Variants in NRTN observed in about 807,000 individuals in gnomAD.
NRTN encodes the protein prepro-neurturin.
A neutral mutation model predicts 7.5 loss-of-function variants in NRTN; 3 were observed. The ratio of observed to expected loss-of-function variants is 0.40; its 90% CI spans 0.18 to 1.03. NRTN has a LOEUF of 1.03. NRTN is among the 50% of genes least tolerant of loss of function. The pLI, the probability that NRTN is intolerant of heterozygous loss-of-function variation, is 0.34. For missense variants in NRTN, 310 were observed against 307.0 expected, an observed-to-expected ratio of 1.01 and a Z score of -0.07; for synonymous variants, 157 against 146.6, an observed-to-expected ratio of 1.07 and a Z score of -0.51.
chr19:5,823,225 T>A (rs1488360799), intron 1 of NRTN, among the ~76,000 whole-genome samples: 1 of 152,124 alleles, frequency 6.6e-6, no homozygotes, highest in African/African-American at 2.4e-5. Flanking sequence ...GAGACCAGCA[T>A]AGCTAACAGG....
Position 5,828,108 on chromosome 19 carries a change from C to A in NRTN, c.529C>A (p.Leu177Met), listed in dbSNP as rs1303729812. ...PTAYEDEVSF[L>M]DAHSRYHTVH... ...GGCCTACGAGGACGAGGTGTCCTTCCTGGACGCGCACAGCCGCTACCACAC... is the reference window on the plus strand; with the variant it reads ...GGCCTACGAGGACGAGGTGTCCTTCATGGACGCGCACAGCCGCTACCACAC... The change falls in exon 3 of 3, where the codon CTG becomes ATG. Residue 177 changes from leucine to methionine, a missense_variant. By Grantham distance (15) the Leu-to-Met change is conservative. Transcript: ENST00000303212. 6.7e-7 allele frequency: 1 copy of A among 1,502,988 alleles called. No individual in the cohort carries two copies. The highest frequency in any genetic ancestry group is 2.2e-5 in the Admixed American group (1 of 46,418). 93.1% of individuals were successfully genotyped at this position (1,502,988 alleles called of 1,614,324 possible).
chr19:5,826,303 C>A (rs1227609040), intron 2 of NRTN, among the ~76,000 whole-genome samples: 1 of 152,120 alleles, frequency 6.6e-6, no homozygotes, highest in Non-Finnish European at 1.5e-5. Context: ...TGCTCCGGGG[C>A]TTAAAGAACA....
Position 5,812,430 on chromosome 19 carries a change from C to T in NRTN, c.-399+6979C>T, listed in dbSNP as rs896034951. Among the ~76,000 whole-genome samples the T allele has an allele frequency of 2.8e-4, 42 of 152,300 alleles. 1 individual carries two copies. The highest frequency in any genetic ancestry group is 5.8e-4 in the East Asian group (3 of 5,180). ...AGAGGAGAGGCTGGACCTCTTTCTC[C>T]GGCAGACCTGGAAGGGGCGGCTGGG... On this transcript the variant is annotated intron_variant, in intron 1 of 2. Transcript: ENST00000303212.
At chr19:5,810,901 CCTG>C (rs1198213819) in intron 1 of NRTN, among the ~76,000 whole-genome samples, 1 of 150,830 alleles carries the variant, frequency 6.6e-6, no homozygotes, top group Non-Finnish European at 1.5e-5. Flanking sequence ...TGCACTCCAG[CCTG>C]GCAACAGAGC....
At chr19:5,810,923 A>G (rs1434708167) in intron 1 of NRTN, among the ~76,000 whole-genome samples, 2 of 147,672 alleles carry the variant, frequency 1.4e-5, no homozygotes, top group African/African-American at 2.7e-5. Flanking sequence ...GCGAGACTCC[A>G]TCTCAAAAAA....
rs1176448349 is a variant in NRTN, at chr19:5,827,741, C to A, written c.170-8C>A. On this transcript the variant is annotated splice_region_variant and splice_polypyrimidine_tract_variant and intron_variant, in intron 2 of 2. Coordinates refer to ENST00000303212, the MANE Select transcript of NRTN (RefSeq NM_004558.5). ...GACCCCCCCTCCTTTCTCTTCCTCC[C>A]CTCGCAGACCGTGCACTCCTGCAGG... 1 of 1,219,870 alleles carries A rather than the reference C, an allele frequency of 8.2e-7. No individual in the cohort carries two copies. The highest frequency in any genetic ancestry group is 3.4e-5 in the East Asian group (1 of 29,612). The allele number at this position is 1,219,870 out of a possible 1,614,324, so 75.6% of individuals were successfully genotyped here. A position where few individuals can be genotyped will look rare whatever the true frequency, so the allele number is the denominator to read the frequency against.
chr19:5,817,505 A>G (rs997555868), intron 1 of NRTN, among the ~76,000 whole-genome samples: 11 of 132,444 alleles, frequency 8.3e-5, no homozygotes, highest in African/African-American at 1.7e-4. Flanking sequence ...GAAAGGAAGG[A>G]AGGGAGGGAG....
intron 1 of NRTN, among the ~76,000 whole-genome samples, chr19:5,817,647 AGGCAGGCG>A (rs2057010140): frequency 1.5e-5 from 2 of 132,992 alleles, no homozygotes; most frequent in African/African-American, 5.7e-5. Context: ...GCAGGCAGGC[AGGCAGGCG>A]TGTGAGTGTC....
intron 1 of NRTN, among the ~76,000 whole-genome samples, chr19:5,811,710 G>GT (rs57430586): frequency 0.13 from 14,245 of 109,664 alleles, 921 homozygotes; most frequent in Non-Finnish European, 0.17. Flanking sequence ...TTTGTTTTTT[G>GT]TTTTTTTTTT....
chr19:5,813,680 GAAA>G (rs557383692), intron 1 of NRTN, among the ~76,000 whole-genome samples: 4 of 117,216 alleles, frequency 3.4e-5, no homozygotes, highest in African/African-American at 1.2e-4. Flanking sequence ...GACTCCGTCT[GAAA>G]AAAAAAAAAA....
At chr19:5,810,279 A>AAG (rs1323277431) in intron 1 of NRTN, among the ~76,000 whole-genome samples, 1 of 151,352 alleles carries the variant, frequency 6.6e-6, no homozygotes, top group Non-Finnish European at 1.5e-5. Context: ...AAAAAAAAAA[A>AAG]AAAAATTTTT....
intron 1 of NRTN, among the ~76,000 whole-genome samples, chr19:5,810,659 C>T (rs889409048): frequency 4.6e-5 from 7 of 151,858 alleles, no homozygotes; most frequent in Non-Finnish European, 8.8e-5. Context: ...TACAGCCGGG[C>T]GCAGTGGCTC....
At chr19:5,814,164 A>G (rs1310935322) in intron 1 of NRTN, among the ~76,000 whole-genome samples, 3 of 152,106 alleles carry the variant, frequency 2.0e-5, no homozygotes, top group Non-Finnish European at 4.4e-5. Flanking sequence ...TGAATTCTCA[A>G]AGTCAGCCCT....
Position 5,806,329 on chromosome 19 carries a change from A to G in NRTN, c.-399+878A>G, listed in dbSNP as rs2056975115. Among the ~76,000 whole-genome samples the G allele has an allele frequency of 6.6e-6, 1 of 152,074 alleles. No individual in the cohort carries two copies. Among genetic ancestry groups the G allele is most frequent in the Admixed American group, 6.5e-5 (1 of 15,276 alleles). On this transcript the variant is annotated intron_variant, in intron 1 of 2. Coordinates refer to ENST00000303212, the MANE Select transcript of NRTN (RefSeq NM_004558.5). This position sits in a 1 kb window ranked among gnomAD's most constrained non-coding sequence, Gnocchi z 5.4. The stretch of plus-strand genomic sequence containing the variant: ...TGCCCACAGGCCTGTGATTACCTGC[A>G]GGGCTCGTCATTGGTCCAGATTTGG...
intron 1 of NRTN, among the ~76,000 whole-genome samples, chr19:5,816,841 A>T (rs1203921190): frequency 6.6e-6 from 1 of 152,202 alleles, no homozygotes; most frequent in Non-Finnish European, 1.5e-5. Context: ...ATGAAGGTGG[A>T]AGCGTCCAAG....
chr19:5,827,572 C>T (rs557034263), intron 2 of NRTN, among the ~76,000 whole-genome samples, 177 bp from the exon 3 acceptor site: 1 of 152,068 alleles, frequency 6.6e-6, no homozygotes, highest in Non-Finnish European at 1.5e-5. Context: ...AGAGAGGGTG[C>T]ATGAGCAGCT....
intron 1 of NRTN, among the ~76,000 whole-genome samples, chr19:5,823,050 A>C (rs576376149): frequency 7.0e-6 from 1 of 143,874 alleles, no homozygotes; most frequent in South Asian, 2.3e-4. Context: ...AGAGAGAGAA[A>C]GAAAGAAAGG....
intron 2 of NRTN, among the ~76,000 whole-genome samples, chr19:5,826,830 C>A (rs969621587): frequency 6.6e-6 from 1 of 152,124 alleles, no homozygotes; most frequent in African/African-American, 2.4e-5. Flanking sequence ...CACCTCCTGG[C>A]GAGTGTGGGA....
intron 1 of NRTN, among the ~76,000 whole-genome samples, chr19:5,808,249 G>A (rs1466326): frequency 0.11 from 16,336 of 152,106 alleles, 1,387 homozygotes; most frequent in East Asian, 0.35. Context: ...GCTCCCGGAG[G>A]ACCCATGTCG....
Sources: gnomAD v4.1 joint callset for allele counts (sites outside exome capture counted in the v4.1 genomes callset) on GRCh38, gnomAD v4.1.1 for gene constraint, Gnocchi (gnomAD v3.1) non-coding constraint, MANE v1.5 for transcripts, NCBI Gene and HGNC (gene_info 2026-07-23, HGNC 2026-07-21) for gene names.